CDC40: variants seen among roughly 807,000 people sequenced by gnomAD.
The protein encoded by CDC40 is pre-mRNA-processing factor 17.
CDC40 carries 27 observed loss-of-function variants against 80.6 expected under a neutral mutation model. That is an observed-to-expected ratio of 0.33 (90% CI 0.25 to 0.46). The LOEUF is 0.46. Ranked by LOEUF, CDC40 falls within the 20% of genes least tolerant of loss-of-function variation. The pLI is 1.00. For missense variants in CDC40, 486 were observed against 694.1 expected (o/e 0.70, Z 3.37); for synonymous variants, 221 against 232.6 (o/e 0.95, Z 0.45).
At chr6:110,219,290 T>C (rs1562206555) in intron 10 of CDC40, 74 bp from the exon 11 acceptor site, 1 of 690,626 alleles carries the variant, frequency 1.4e-6, no homozygotes, top group East Asian at 2.6e-5. Context: ...AGGTGACCTC[T>C]AGATCTTAAT....
At chr6:110,221,032 T>G (rs1777769426) in intron 12 of CDC40, among the ~76,000 whole-genome samples, 6 of 152,260 alleles carry the variant, frequency 3.9e-5, no homozygotes, top group Admixed American at 2.6e-4. Context: ...TATAGTCATA[T>G]TATATTGGTT....
intron 3 of CDC40, among the ~76,000 whole-genome samples, chr6:110,203,118 GACA>G (rs975199769): frequency 1.6e-4 from 24 of 152,118 alleles, no homozygotes; most frequent in Non-Finnish European, 3.1e-4. Flanking sequence ...GGTTTAAAGA[GACA>G]GTTTATTAAG....
At chr6:110,206,697 T>G (rs1343234354) in intron 3 of CDC40, among the ~76,000 whole-genome samples, 2 of 152,218 alleles carry the variant, frequency 1.3e-5, no homozygotes, top group African/African-American at 2.4e-5. Flanking sequence ...CTGCAAATGG[T>G]ATTTTCAAAA....
chr6:110,213,939 A>G (rs1777669510), intron 8 of CDC40, among the ~76,000 whole-genome samples: 2 of 152,176 alleles, frequency 1.3e-5, no homozygotes, highest in South Asian at 4.1e-4. Context: ...ATCTGAAAGG[A>G]TAGTTCTTAC....
At chr6:110,215,247 A>C (rs1777684863) in intron 8 of CDC40, 39 bp from the exon 9 acceptor site, 1 of 1,557,176 alleles carries the variant, frequency 6.4e-7, no homozygotes, top group African/African-American at 1.4e-5. Flanking sequence ...ACCTTTATTA[A>C]ATGTAATATT....
chr6:110,195,907 G>A (rs1777413286), intron 2 of CDC40, among the ~76,000 whole-genome samples: 1 of 152,190 alleles, frequency 6.6e-6, no homozygotes, highest in African/African-American at 2.4e-5. Context: ...ATAGATTTGT[G>A]AGGGTCTTAA....
At chr6:110,188,055 GACTT>G (rs1229246829) in intron 1 of CDC40, among the ~76,000 whole-genome samples, 1 of 152,130 alleles carries the variant, frequency 6.6e-6, no homozygotes. Flanking sequence ...CAGAGACTGG[GACTT>G]ACTTATATTT....
In CDC40 at chr6:110,201,632, A is replaced by G; in HGVS notation, c.351A>G (p.Pro117=). 1 of 1,613,244 alleles carries G rather than the reference A, an allele frequency of 6.2e-7. No individual in the cohort carries two copies. Among genetic ancestry groups the G allele is most frequent in the Non-Finnish European group, 8.5e-7 (1 of 1,179,244 alleles). The part of the protein sequence containing the change: ...PRNMLSGYAE[P]AHINDFMFEQ... ...ATATGCTTTCTGGATATGCCGAACCAGCTCATATCAATGATTTCATGTTTG... is the reference window on the plus strand; with the variant it reads ...ATATGCTTTCTGGATATGCCGAACCGGCTCATATCAATGATTTCATGTTTG... The change falls in exon 3 of 15, where the codon CCA becomes CCG. Residue 117 remains proline, a synonymous_variant. Coordinates refer to ENST00000307731, the MANE Select transcript of CDC40 (RefSeq NM_015891.3).
At chr6:110,204,967 C>T (rs1215841529) in intron 3 of CDC40, among the ~76,000 whole-genome samples, 6 of 152,058 alleles carry the variant, frequency 3.9e-5, no homozygotes, top group Non-Finnish European at 7.4e-5. Context: ...ATGCCCGGCC[C>T]TATTTCTCTT....
At chr6:110,202,336 A>G (rs933671699) in intron 3 of CDC40, among the ~76,000 whole-genome samples, 3 of 152,324 alleles carry the variant, frequency 2.0e-5, no homozygotes, top group Non-Finnish European at 4.4e-5. Context: ...AAACAGTTCT[A>G]TGACACTTCC....
At chr6:110,185,787 A>T (rs1777261116) in intron 1 of CDC40, among the ~76,000 whole-genome samples, 3 of 152,248 alleles carry the variant, frequency 2.0e-5, no homozygotes. Flanking sequence ...AGAACATGTG[A>T]GGTGCAGCCA....
chr6:110,187,043 A>G (rs1341658289), intron 1 of CDC40, among the ~76,000 whole-genome samples: 1 of 152,080 alleles, frequency 6.6e-6, no homozygotes, highest in Non-Finnish European at 1.5e-5. Context: ...GAGTGGCGCA[A>G]TCTCCGCTCA....
chr6:110,211,159 A>ACC (rs1388407339), intron 6 of CDC40: 1 of 152,900 alleles, frequency 6.5e-6, no homozygotes. Flanking sequence ...AATGTTTTTA[A>ACC]TGAAGCCAAA....
chr6:110,186,092 C>CA (rs1298409691), intron 1 of CDC40, among the ~76,000 whole-genome samples: 5 of 152,186 alleles, frequency 3.3e-5, no homozygotes, highest in African/African-American at 1.2e-4. Flanking sequence ...TGGTATAATA[C>CA]ATGCACTTAC....
intron 12 of CDC40, 98 bp downstream of exon 12, chr6:110,219,967 AT>A: frequency 7.7e-7 from 1 of 1,305,754 alleles, no homozygotes. Flanking sequence ...CCATTTGAAT[AT>A]TTTTTGCAAC....
chr6:110,204,710 C>T (rs1224484829), intron 3 of CDC40, among the ~76,000 whole-genome samples: 4 of 147,746 alleles, frequency 2.7e-5, no homozygotes, highest in Non-Finnish European at 3.0e-5. Context: ...TCACTCAGGC[C>T]GTGCAGTTGT....
chr6:110,208,950 C>A, intron 4 of CDC40, 134 bp from the exon 5 acceptor site: 1 of 632,564 alleles, frequency 1.6e-6, no homozygotes, highest in Non-Finnish European at 2.7e-6. Flanking sequence ...TTTTTAATAA[C>A]TCTGGGGTCA....
At chr6:110,218,035 A>G (rs933012442) in intron 10 of CDC40, among the ~76,000 whole-genome samples, 9 of 152,252 alleles carry the variant, frequency 5.9e-5, no homozygotes, top group Non-Finnish European at 1.0e-4. Flanking sequence ...ACGTACTGAC[A>G]AATAAGCAAA....
At chr6:110,213,371 GTTGT>G (rs1326804449) in intron 8 of CDC40, among the ~76,000 whole-genome samples, 1 of 149,154 alleles carries the variant, frequency 6.7e-6, no homozygotes, top group East Asian at 2.0e-4. Flanking sequence ...TTTTTTTGTT[GTTGT>G]TTTTGTTTTT....
Sources: gnomAD v4.1 joint callset for allele counts (sites outside exome capture counted in the v4.1 genomes callset) on GRCh38, gnomAD v4.1.1 for gene constraint, MANE v1.5 for transcripts, NCBI Gene and HGNC (gene_info 2026-07-23, HGNC 2026-07-21) for gene names.